The following MAPK4 variants were observed in gnomAD, a reference collection of about 807,000 sequenced individuals.
The protein encoded by MAPK4 is Erk3-related.
A neutral mutation model predicts 47.7 loss-of-function variants in MAPK4; 22 were observed. That is an observed-to-expected ratio of 0.46 (90% confidence interval 0.33 to 0.66). The LOEUF is 0.66. Among genes scored for constraint, MAPK4 ranks in the 30% least tolerant of loss-of-function variants. The pLI is 0.02. For synonymous variants in MAPK4, 390 were observed against 365.7 expected (o/e 1.07, Z -0.76); for missense variants, 736 against 831.7 (o/e 0.88, Z 1.42).
chr18:50,564,439 G>A (rs1367805084), intron 1 of MAPK4, among the ~76,000 whole-genome samples: 1 of 152,124 alleles, frequency 6.6e-6, no homozygotes, highest in African/African-American at 2.4e-5. Context: ...AACCCAAAAT[G>A]TCTCCAGCCA....
At chr18:50,696,156 G>A (rs1285490433) in intron 2 of MAPK4, among the ~76,000 whole-genome samples, 1 of 151,446 alleles carries the variant, frequency 6.6e-6, no homozygotes, top group African/African-American at 2.4e-5. Flanking sequence ...CCCTTACCCT[G>A]TGCTGGAGCT....
chr18:50,625,733 T>C (rs183979347), intron 1 of MAPK4, among the ~76,000 whole-genome samples: 4 of 151,996 alleles, frequency 2.6e-5, no homozygotes, highest in African/African-American at 9.7e-5. Flanking sequence ...CATTGGGAGA[T>C]CCTCATAGAA....
intron 1 of MAPK4, among the ~76,000 whole-genome samples, chr18:50,647,063 G>C (rs2042996794): frequency 1.3e-5 from 2 of 152,186 alleles, no homozygotes; most frequent in African/African-American, 4.8e-5. Context: ...TGGGGCCCAG[G>C]ACTGGATCCT....
At chr18:50,623,829 C>T (rs1373839713) in intron 1 of MAPK4, among the ~76,000 whole-genome samples, 2 of 152,360 alleles carry the variant, frequency 1.3e-5, no homozygotes, top group East Asian at 3.9e-4. Flanking sequence ...CCTCTTCAAC[C>T]TCATCCCCAA....
chr18:50,707,920 A>T (rs112521586), intron 2 of MAPK4, among the ~76,000 whole-genome samples: 1 of 152,318 alleles, frequency 6.6e-6, no homozygotes, highest in African/African-American at 2.4e-5. Context: ...CAGCCCTGAA[A>T]GGGGATCAGC....
chr18:50,622,979 C>G (rs1388113207), intron 1 of MAPK4, among the ~76,000 whole-genome samples: 4 of 152,192 alleles, frequency 2.6e-5, no homozygotes, highest in African/African-American at 9.7e-5. Context: ...AGGAACAGAG[C>G]CCTTGAAGTA....
chr18:50,580,410 C>A (rs2042333177), intron 1 of MAPK4, among the ~76,000 whole-genome samples: 1 of 152,128 alleles, frequency 6.6e-6, no homozygotes, highest in African/African-American at 2.4e-5. Flanking sequence ...TGGGTGTGAC[C>A]AAGGGCAAAG....
At chr18:50,559,879 C>T (rs1437285097), upstream of MAPK4, among the ~76,000 whole-genome samples, 16 of 151,388 alleles carry the variant, frequency 1.1e-4, no homozygotes, top group South Asian at 2.3e-3. Context: ...TCCGGGAAGG[C>T]CCCAGGACCG....
At chr18:50,565,547 A>T (rs1443656246) in intron 1 of MAPK4, among the ~76,000 whole-genome samples, 1 of 152,224 alleles carries the variant, frequency 6.6e-6, no homozygotes, top group Admixed American at 6.5e-5. Context: ...CCAGGCAGGA[A>T]ACACTTGCCC....
At chr18:50,561,368 C>T (rs1454407334) in intron 1 of MAPK4, among the ~76,000 whole-genome samples, 1 of 152,176 alleles carries the variant, frequency 6.6e-6, no homozygotes, top group Non-Finnish European at 1.5e-5. Flanking sequence ...GTAAAATATA[C>T]TTATTGAGCA....
intron 1 of MAPK4, among the ~76,000 whole-genome samples, chr18:50,573,482 G>A (rs918482480): frequency 1.3e-5 from 2 of 152,164 alleles, no homozygotes; most frequent in African/African-American, 4.8e-5. Context: ...CTGCACATGT[G>A]GGGGATCTAA....
chr18:50,634,304 G>GT (rs1224908685), intron 1 of MAPK4, among the ~76,000 whole-genome samples: 2,968 of 101,724 alleles, frequency 0.029, 79 homozygotes, highest in African/African-American at 0.093. Flanking sequence ...GCTGTCAGGT[G>GT]TTTTTTTTTT....
intron 1 of MAPK4, among the ~76,000 whole-genome samples, chr18:50,628,940 G>T (rs1218380564): frequency 6.6e-6 from 1 of 152,226 alleles, no homozygotes; most frequent in Non-Finnish European, 1.5e-5. Flanking sequence ...TTTATATCCA[G>T]ATTAGACTGG....
At chr18:50,661,848 A>C (rs1405861207) in intron 1 of MAPK4, among the ~76,000 whole-genome samples, 1 of 152,222 alleles carries the variant, frequency 6.6e-6, no homozygotes, top group African/African-American at 2.4e-5. Flanking sequence ...AAGATCTGAC[A>C]AATTATCAGA....
chr18:50,623,154 G>C (rs1334760218), intron 1 of MAPK4, among the ~76,000 whole-genome samples: 1 of 152,148 alleles, frequency 6.6e-6, no homozygotes, highest in Non-Finnish European at 1.5e-5. Flanking sequence ...TCAGAAGGGA[G>C]TATTTAATCT....
In MAPK4 at chr18:50,714,569, AG is replaced by A. The variant is rs555815847; in HGVS notation, c.547-509del. 3.0e-3 allele frequency among the ~76,000 whole-genome samples: 460 copies of A among 152,330 alleles called. 2 individuals are homozygous for A. The highest frequency in any genetic ancestry group is 0.011 in the African/African-American group (441 of 41,578). On this transcript the variant is annotated intron_variant, in intron 2 of 5. Coordinates refer to ENST00000400384, the MANE Select transcript of MAPK4 (RefSeq NM_002747.4). ...AAGATGGTCTTATCTGTTCTCAGCAAGAGCCTGGTGCCTGGCTTTGTGGCAG... is the reference window on the plus strand; with the variant it reads ...AAGATGGTCTTATCTGTTCTCAGCAAAGCCTGGTGCCTGGCTTTGTGGCAG...
chr18:50,724,484 C>T (rs555835549), intron 4 of MAPK4, among the ~76,000 whole-genome samples: 9 of 152,358 alleles, frequency 5.9e-5, no homozygotes, highest in African/African-American at 2.2e-4. Flanking sequence ...GAAAAACCTG[C>T]CCAGACTTGA....
intron 1 of MAPK4, among the ~76,000 whole-genome samples, chr18:50,636,769 A>G (rs1338782520): frequency 6.6e-6 from 1 of 152,178 alleles, no homozygotes; most frequent in East Asian, 1.9e-4. Flanking sequence ...CTGGCCCACA[A>G]GGATCTTCAG....
At chr18:50,597,120 C>T (rs8084796) in intron 1 of MAPK4, among the ~76,000 whole-genome samples, 151,815 of 152,354 alleles carry the variant, frequency 1, 75,642 homozygotes, top group East Asian at 1. Flanking sequence ...TCATGTCCCC[C>T]TTCAGTCAAT....
Sources: gnomAD v4.1 joint callset for allele counts (sites outside exome capture counted in the v4.1 genomes callset) on GRCh38, gnomAD v4.1.1 for gene constraint, MANE v1.5 for transcripts, NCBI Gene and HGNC (gene_info 2026-07-23, HGNC 2026-07-21) for gene names.